Variants in GPR161 observed in about 807,000 individuals in gnomAD.
The protein encoded by GPR161 is G-protein coupled receptor RE2.
GPR161 carries 25 observed loss-of-function variants against 39.2 expected under a neutral mutation model. The observed-to-expected ratio is 0.64, with a 90% CI of 0.47 to 0.89. GPR161 has a LOEUF of 0.89. GPR161 is among the 40% of genes least tolerant of loss of function. GPR161 has a pLI of 0.00. For synonymous variants in GPR161, 286 were observed against 276.6 expected, an observed-to-expected ratio of 1.03 and a Z score of -0.34; for missense variants, 547 against 677.8, an observed-to-expected ratio of 0.81 and a Z score of 2.14.
chr1:168,122,640 C>T (rs775478959), intron 1 of GPR161, among the ~76,000 whole-genome samples: 1 of 152,170 alleles, frequency 6.6e-6, no homozygotes, highest in Non-Finnish European at 1.5e-5. Flanking sequence ...AACGCACTAG[C>T]CTCCTCACTA....
At chr1:168,097,714 G>A (rs1572275462) in intron 2 of GPR161, among the ~76,000 whole-genome samples, 1 of 152,194 alleles carries the variant, frequency 6.6e-6, no homozygotes, top group African/African-American at 2.4e-5. Context: ...CTACCTCCTG[G>A]AAATGCAGTT....
intron 2 of GPR161, among the ~76,000 whole-genome samples, chr1:168,100,546 A>G (rs1227058303): frequency 6.6e-6 from 1 of 152,192 alleles, no homozygotes; most frequent in African/African-American, 2.4e-5. Flanking sequence ...AGGTAACTGA[A>G]AAGTTGTAAT....
chr1:168,115,778 A>AT lies in GPR161; in HGVS notation c.-44-10885dup, dbSNP rs534629775. Among the ~76,000 whole-genome samples the AT allele has an allele frequency of 7.2e-3, 1,030 of 143,802 alleles. 16 individuals are homozygous for AT. Among genetic ancestry groups the AT allele is most frequent in the East Asian group, 0.071 (350 of 4,920 alleles). The allele number at this position is 143,802 out of a possible 152,430, so 94.3% of individuals were successfully genotyped here. On this transcript the variant is annotated intron_variant, in intron 1 of 5. Transcript: ENST00000682931. Reference sequence around the variant, plus strand: ...TCTCCAGAATTCTGCTCCAGAGAAAATTTTTTTTTTTTTTTGAGACGGAGT... The same window carrying AT: ...TCTCCAGAATTCTGCTCCAGAGAAAATTTTTTTTTTTTTTTTGAGACGGAGT...
chr1:168,130,534 G>T (rs1698911291), intron 1 of GPR161, among the ~76,000 whole-genome samples: 1 of 152,178 alleles, frequency 6.6e-6, no homozygotes. Context: ...ATACACTCGA[G>T]CATTTTAATG....
intron 2 of GPR161, among the ~76,000 whole-genome samples, chr1:168,101,554 G>T (rs1172481391): frequency 1.3e-4 from 20 of 152,138 alleles, no homozygotes; most frequent in Admixed American, 1.3e-3. Context: ...AAGCGTCCAG[G>T]CTCGGGCATC....
intron 3 of GPR161, among the ~76,000 whole-genome samples, chr1:168,092,849 G>T (rs143428161): frequency 6.0e-4 from 92 of 152,316 alleles, no homozygotes; most frequent in African/African-American, 2.1e-3. Context: ...GTGAGTCAGT[G>T]TCCTTCGCAG....
chr1:168,110,527 AG>A (rs1697034888), intron 1 of GPR161, among the ~76,000 whole-genome samples: 1 of 111,848 alleles, frequency 8.9e-6, no homozygotes, highest in African/African-American at 3.7e-5. Flanking sequence ...AAAAAACGAA[AG>A]AAAGGAAAGG....
At chr1:168,121,765 C>T (rs1056063519) in intron 1 of GPR161, among the ~76,000 whole-genome samples, 3 of 152,208 alleles carry the variant, frequency 2.0e-5, no homozygotes, top group Non-Finnish European at 4.4e-5. Flanking sequence ...GGCAGCCCGC[C>T]GGCTGCCCCA....
chr1:168,126,458 G>A (rs954253265), intron 1 of GPR161, among the ~76,000 whole-genome samples: 36 of 149,774 alleles, frequency 2.4e-4, no homozygotes, highest in African/African-American at 8.5e-4. Flanking sequence ...GTATTGTTTT[G>A]TTTTGTTTTT....
chr1:168,095,580 G>C (rs901668397), intron 3 of GPR161, among the ~76,000 whole-genome samples: 1 of 152,230 alleles, frequency 6.6e-6, no homozygotes, highest in African/African-American at 2.4e-5. Context: ...AGTCATCAGA[G>C]GAAGGAGCAG....
rs548437003 is a variant in GPR161, at chr1:168,084,985, G to C, written c.*546C>G. 1.3e-5 allele frequency: 6 copies of C among 456,318 alleles called. No individual in the cohort carries two copies. The highest frequency in any genetic ancestry group is 9.3e-5 in the South Asian group (6 of 64,570). 28.3% of individuals were successfully genotyped at this position (456,318 alleles called of 1,614,324 possible). A position where few individuals can be genotyped will look rare whatever the true frequency, so the allele number is the denominator to read the frequency against. On this transcript the variant is annotated 3_prime_UTR_variant, in exon 6 of 6. Transcript: ENST00000682931. ...CTCTGCTCCTGGGTGCTTTCTCTGC[G>C]GACCAGTCCTAGAACTGAGGGTCCC...
intron 3 of GPR161, 73 bp downstream of exon 3, chr1:168,096,435 C>G: frequency 3.4e-6 from 5 of 1,474,382 alleles, no homozygotes; most frequent in Non-Finnish European, 4.6e-6. Context: ...CACCCACAAA[C>G]AGGCCAGAGT....
At chr1:168,094,170 C>G (rs1350501467) in intron 3 of GPR161, among the ~76,000 whole-genome samples, 5 of 152,242 alleles carry the variant, frequency 3.3e-5, no homozygotes, top group African/African-American at 1.2e-4. Flanking sequence ...ATCTTGGCCT[C>G]AAAAGCAGGT....
At chr1:168,087,849 C>T in intron 4 of GPR161, 145 bp from the exon 5 acceptor site, 1 of 734,866 alleles carries the variant, frequency 1.4e-6, no homozygotes, top group Non-Finnish European at 2.1e-6. Flanking sequence ...GCAGCACGTG[C>T]CCAAGAAACA....
chr1:168,128,314 A>C (rs1698739619), intron 1 of GPR161, among the ~76,000 whole-genome samples: 1 of 152,096 alleles, frequency 6.6e-6, no homozygotes, highest in Non-Finnish European at 1.5e-5. Flanking sequence ...CTCAATCCCC[A>C]TTCTCCAGAT....
chr1:168,136,069 G>T (rs1473933581), intron 1 of GPR161: 2 of 1,256,596 alleles, frequency 1.6e-6, no homozygotes, highest in Middle Eastern at 3.0e-4. Context: ...GTTAAGCTTG[G>T]CCCAGAAGGC....
intron 1 of GPR161, among the ~76,000 whole-genome samples, chr1:168,111,853 C>T (rs1697199234): frequency 6.6e-6 from 1 of 151,452 alleles, no homozygotes; most frequent in African/African-American, 2.4e-5. Context: ...TTTTTAAAAG[C>T]CTGTATCAAG....
intron 1 of GPR161, among the ~76,000 whole-genome samples, chr1:168,131,123 C>T (rs1698955975): frequency 6.6e-6 from 1 of 152,146 alleles, no homozygotes; most frequent in South Asian, 2.1e-4. Flanking sequence ...AAAACTTCAT[C>T]CTCACTGCCA....
At chr1:168,133,857 C>CAA in intron 1 of GPR161, 1 of 842,514 alleles carries the variant, frequency 1.2e-6, no homozygotes, top group Non-Finnish European at 1.4e-6. Flanking sequence ...TATATAATAG[C>CAA]AATAAACTAT....
Sources: allele counts gnomAD v4.1 joint callset (sites outside exome capture counted in the v4.1 genomes callset), GRCh38; gene constraint gnomAD v4.1.1; transcripts MANE v1.5; gene names NCBI Gene and HGNC (gene_info 2026-07-23, HGNC 2026-07-21).